CNTN4: variants seen among roughly 807,000 people sequenced by gnomAD.
The protein encoded by CNTN4 is contactin-4.
CNTN4 carries 77 observed loss-of-function variants against 122.5 expected under a neutral mutation model. That is an observed-to-expected ratio of 0.63 (90% CI 0.52 to 0.76). The LOEUF is 0.76. CNTN4 is among the 30% of genes least tolerant of loss of function. The probability of loss-of-function intolerance (pLI) is 0.00; values close to 1 mark genes in which losing one functional copy is unlikely to be tolerated. For missense variants in CNTN4, 1,256 were observed against 1,259.1 expected, an observed-to-expected ratio of 1.00 and a Z score of 0.04; for synonymous variants, 512 against 447.0, an observed-to-expected ratio of 1.15 and a Z score of -1.83.
chr3:2,895,143 T>G (rs1306123429), intron 10 of CNTN4, among the ~76,000 whole-genome samples: 1 of 152,126 alleles, frequency 6.6e-6, no homozygotes, highest in Non-Finnish European at 1.5e-5. Context: ...GCCCGGCTAA[T>G]TTTTGTATTT....
intron 6 of CNTN4, among the ~76,000 whole-genome samples, chr3:2,801,737 T>A (rs2092352528): frequency 6.6e-6 from 1 of 151,318 alleles, no homozygotes; most frequent in Non-Finnish European, 1.5e-5. Context: ...TATGAGATGT[T>A]GTTTTTGCCC....
intron 2 of CNTN4, among the ~76,000 whole-genome samples, chr3:2,283,748 C>G (rs1422696998): frequency 6.6e-6 from 1 of 152,060 alleles, no homozygotes; most frequent in East Asian, 1.9e-4. Context: ...GCACCATCAC[C>G]CATTCCCTAA....
At chr3:2,557,361 T>C (rs1183204008) in intron 3 of CNTN4, among the ~76,000 whole-genome samples, 1 of 152,220 alleles carries the variant, frequency 6.6e-6, no homozygotes, top group Middle Eastern at 3.2e-3. Context: ...ATAAGAAATT[T>C]AGGGGAAACC....
intron 3 of CNTN4, among the ~76,000 whole-genome samples, chr3:2,368,606 A>G (rs1480197217): frequency 2.6e-5 from 4 of 152,060 alleles, no homozygotes; most frequent in Non-Finnish European, 5.9e-5. Context: ...GTGAATACCT[A>G]TTAGGGATGG....
chr3:3,046,405 G>C lies in CNTN4; in HGVS notation c.2811+2701G>C, dbSNP rs183925025. Among the ~76,000 whole-genome samples, 5 of 152,330 alleles carry C rather than the reference G, an allele frequency of 3.3e-5. No homozygotes were observed. In the East Asian group the frequency reaches 9.6e-4, roughly 29 times the overall value. On this transcript the variant is annotated intron_variant, in intron 23 of 24. Coordinates refer to ENST00000418658, the MANE Select transcript of CNTN4 (RefSeq NM_175607.3). ...AAGGTCAGGTTACCCACAAAGGGAAGCCCATCAGACTAATAGCGGATCTCT... is the reference window on the plus strand; with the variant it reads ...AAGGTCAGGTTACCCACAAAGGGAACCCCATCAGACTAATAGCGGATCTCT...
At chr3:2,718,063 T>C (rs1203459605) in intron 4 of CNTN4, among the ~76,000 whole-genome samples, 2 of 152,162 alleles carry the variant, frequency 1.3e-5, no homozygotes. Flanking sequence ...GAATACTAGA[T>C]TATTATTAGA....
intron 4 of CNTN4, among the ~76,000 whole-genome samples, chr3:2,680,972 A>G (rs912861751): frequency 6.6e-6 from 1 of 152,200 alleles, no homozygotes; most frequent in Non-Finnish European, 1.5e-5. Context: ...TTAAACTTGG[A>G]TATGTTATGA....
intron 2 of CNTN4, among the ~76,000 whole-genome samples, chr3:2,303,641 T>A (rs147348280): frequency 6.6e-6 from 1 of 152,220 alleles, no homozygotes; most frequent in South Asian, 2.1e-4. Flanking sequence ...CTGTTATCTG[T>A]CTTTCTCATG....
At chr3:2,185,634 G>A (rs910220889) in intron 2 of CNTN4, among the ~76,000 whole-genome samples, 1 of 152,106 alleles carries the variant, frequency 6.6e-6, no homozygotes, top group African/African-American at 2.4e-5. Flanking sequence ...TCATGAGCCC[G>A]GCTCTCAGTC....
intron 2 of CNTN4, among the ~76,000 whole-genome samples, chr3:2,189,402 A>G (rs2037422058): frequency 6.6e-6 from 1 of 152,206 alleles, no homozygotes; most frequent in African/African-American, 2.4e-5. Context: ...AGAACTCAGC[A>G]GATCTCTCTG....
rs538489393 is a variant in CNTN4, at chr3:2,480,674, G to A, written c.-88-90742G>A. ...AAGACTCCATATTGTGAGGAGGTCA[G>A]TTTTTCCCAACTTGATCTATAGATT... is the stretch of plus-strand genomic sequence containing the variant. On this transcript the variant is annotated intron_variant, in intron 3 of 24. Coordinates refer to ENST00000418658, the MANE Select transcript of CNTN4 (RefSeq NM_175607.3). Among the ~76,000 whole-genome samples, 18 of 152,354 alleles carry A rather than the reference G, an allele frequency of 1.2e-4. No individual in the cohort carries two copies. In the South Asian group the frequency reaches 2.1e-3, roughly 18 times the overall value.
At chr3:2,365,637 T>G (rs1364865534) in intron 3 of CNTN4, among the ~76,000 whole-genome samples, 1 of 152,204 alleles carries the variant, frequency 6.6e-6, no homozygotes, top group African/African-American at 2.4e-5. Context: ...GAGGCTGAGA[T>G]GAGATGTGAG....
chr3:3,008,364 G>A (rs764984269), intron 14 of CNTN4, among the ~76,000 whole-genome samples: 46 of 152,246 alleles, frequency 3.0e-4, no homozygotes, highest in Non-Finnish European at 5.7e-4. Flanking sequence ...GCATGGATCC[G>A]CCAAAGAAAA....
chr3:2,993,180 T>C (rs559486408), intron 14 of CNTN4, among the ~76,000 whole-genome samples: 1 of 152,326 alleles, frequency 6.6e-6, no homozygotes, highest in East Asian at 1.9e-4. Flanking sequence ...GAAATTCATC[T>C]TTTAGTGTCC....
intron 3 of CNTN4, among the ~76,000 whole-genome samples, chr3:2,372,208 C>A (rs549299464): frequency 6.6e-6 from 1 of 152,028 alleles, no homozygotes; most frequent in South Asian, 2.1e-4. Flanking sequence ...TTTATTTATT[C>A]ATTTTTATTG....
intron 13 of CNTN4, among the ~76,000 whole-genome samples, chr3:2,957,084 G>A (rs1405657152): frequency 6.6e-6 from 1 of 152,180 alleles, no homozygotes; most frequent in African/African-American, 2.4e-5. Flanking sequence ...TGTGAATAAT[G>A]CTCTGATGAA....
At chr3:3,040,558 A>G (rs1358438708) in intron 20 of CNTN4, among the ~76,000 whole-genome samples, 1 of 152,268 alleles carries the variant, frequency 6.6e-6, no homozygotes, top group Non-Finnish European at 1.5e-5. Context: ...ATATGTTATC[A>G]TTACTTTCAA....
At chr3:2,367,403 A>T (rs2045433524) in intron 3 of CNTN4, among the ~76,000 whole-genome samples, 1 of 152,230 alleles carries the variant, frequency 6.6e-6, no homozygotes, top group South Asian at 2.1e-4. Flanking sequence ...GAAACGAAAA[A>T]CACAAACCAC....
At position 2,362,466 on chromosome 3, in the gene CNTN4, G is replaced by C. The variant is rs546806631; in HGVS notation, c.-89+23233G>C. 2.1e-4 allele frequency: 95 copies of C among 453,654 alleles called. 1 individual carries two copies. Among genetic ancestry groups the C allele is most frequent in the African/African-American group, 1.6e-3 (81 of 49,192 alleles). 28.1% of individuals were successfully genotyped at this position (453,654 alleles called of 1,614,324 possible). ...GCCTCCCAGCCTACATCCTATATGA[G>C]GACTAGCAGTGTCTTGTGTTCCCTG... is the stretch of plus-strand genomic sequence containing the variant. On this transcript the variant is annotated intron_variant, in intron 3 of 24. Coordinates refer to ENST00000418658, the MANE Select transcript of CNTN4 (RefSeq NM_175607.3).
Sources: allele counts gnomAD v4.1 joint callset (sites outside exome capture counted in the v4.1 genomes callset), GRCh38; gene constraint gnomAD v4.1.1; transcripts MANE v1.5; gene names NCBI Gene and HGNC (gene_info 2026-07-23, HGNC 2026-07-21).